THBS2: variants seen among roughly 807,000 people sequenced by gnomAD.
THBS2 encodes thrombospondin 2.
A neutral mutation model predicts 135.2 loss-of-function variants in THBS2; 47 were observed. That is an observed-to-expected ratio of 0.35 (90% CI 0.28 to 0.44). The LOEUF (loss-of-function observed/expected upper bound fraction) is 0.44. Ranked by LOEUF, THBS2 falls within the 20% of genes least tolerant of loss-of-function variation. The pLI, the probability that THBS2 is intolerant of heterozygous loss-of-function variation, is 1.00. For synonymous variants in THBS2, 639 were observed against 633.8 expected, an observed-to-expected ratio of 1.01 and a Z score of -0.12; for missense variants, 1,288 against 1,603.1, an observed-to-expected ratio of 0.80 and a Z score of 3.36.
At position 169,228,493 on chromosome 6, in the gene THBS2, C is replaced by T. The variant is rs1032783483; in HGVS notation, c.2260-212G>A. 7.2e-5 allele frequency among the ~76,000 whole-genome samples: 11 copies of T among 152,066 alleles called. No individual in the cohort carries two copies. The East Asian group carries it at 1.2e-3, about 16-fold the overall frequency. Reference sequence around the variant, plus strand: ...CTGTAATCCCAGCACTTCAAAAAGCCAGTCAGGGCAGGGCACGGAGGCTCA... The same window carrying T: ...CTGTAATCCCAGCACTTCAAAAAGCTAGTCAGGGCAGGGCACGGAGGCTCA... On this transcript the variant is annotated intron_variant, in intron 14 of 21. Coordinates refer to ENST00000617924, the MANE Select transcript of THBS2 (RefSeq NM_003247.5).
chr6:169,244,978 G>C (rs1457585777), intron 4 of THBS2, among the ~76,000 whole-genome samples: 1 of 152,240 alleles, frequency 6.6e-6, no homozygotes, highest in African/African-American at 2.4e-5. Context: ...ACGCACCCCG[G>C]TTCTGAAGTA....
rs1480045542 is a variant in THBS2 at position 169,251,854 on chromosome 6, C to A, written c.-22-1048G>T. ...GACCCCCCCCCCAAACCATCTGCTC[C>A]CCCCAGTGCCGCCCCAGGGGTCCTT... On this transcript the variant is annotated intron_variant, in intron 1 of 21. Transcript: ENST00000617924. The A allele has an allele frequency of 2.1e-5, 3 of 143,024 alleles. No individual in the cohort carries two copies. The East Asian group carries it at 6.8e-4, about 33-fold the overall frequency. The allele number at this position is 143,024 out of a possible 1,614,324, so 8.9% of individuals were successfully genotyped here.
intron 21 of THBS2, among the ~76,000 whole-genome samples, chr6:169,218,694 ATGGATGGATGGATGAGACAGG>A (rs1583401906): frequency 1.1e-5 from 1 of 91,896 alleles, no homozygotes; most frequent in South Asian, 4.0e-4. Flanking sequence ...GATGGATGGG[ATGGATGGATGGATGAGACAGG>A]TGGATGGATG....
chr6:169,232,704 G>A lies in THBS2; in HGVS notation c.1892C>T (p.Pro631Leu). Reference sequence around the variant, plus strand: ...GGCTGCTTCCAGGCCGACCCCGACGGGCTGGTTCCCTCTGTATCGGGGCGG... The same window carrying A: ...GGCTGCTTCCAGGCCGACCCCGACGAGCTGGTTCCCTCTGTATCGGGGCGG... ...PCPPRYRGNQ[P>L]VGVGLEAAKT... The change falls in exon 12 of 22, where the codon CCC becomes CTC. Residue 631 changes from proline to leucine, a missense_variant. Pro to Leu is a moderately conservative substitution (Grantham distance 98, BLOSUM62 -3). Transcript: ENST00000617924. 1 of 1,613,536 alleles carries A rather than the reference G, an allele frequency of 6.2e-7. No individual in the cohort carries two copies. Among genetic ancestry groups the A allele is most frequent in the South Asian group, 1.1e-5 (1 of 91,034 alleles).
rs1435102694 is a variant in THBS2, at chr6:169,221,520, G to T, written c.3281C>A (p.Thr1094Asn). The T allele has an allele frequency of 1.9e-6, 3 of 1,613,778 alleles. No individual in the cohort carries two copies. The highest frequency in any genetic ancestry group is 3.3e-5 in the Admixed American group (2 of 60,006). Reference sequence around the variant, plus strand: ...AATGTTCCTGGGGTCGTGCCATAAGGTTCGCACCTGAGAGAGAACATAGCA... The same window carrying T: ...AATGTTCCTGGGGTCGTGCCATAAGTTTCGCACCTGAGAGAGAACATAGCA... ...HTGNTPGQVR[T>N]LWHDPRNIGW... Residue 1094 changes from threonine (T) to asparagine (N), a missense_variant, in exon 20 of 22, where the codon ACC becomes AAC. Thr to Asn is a moderately conservative substitution (Grantham distance 65). This residue lies in a region of THBS2 where 874 missense variants were observed against 1,156.1 expected (regional missense o/e 0.76). Transcript: ENST00000617924.
At chr6:169,229,511 C>T in intron 14 of THBS2, 61 bp downstream of exon 14, 3 of 1,409,090 alleles carry the variant, frequency 2.1e-6, no homozygotes, top group Non-Finnish European at 2.0e-6. Flanking sequence ...ATAAAGTGGC[C>T]TCCTGTGGAC....
intron 6 of THBS2, among the ~76,000 whole-genome samples, chr6:169,239,976 G>A (rs937180599): frequency 2.0e-5 from 3 of 152,188 alleles, no homozygotes; most frequent in African/African-American, 7.2e-5. Flanking sequence ...CTGGAAGGAG[G>A]GAAGAAAAGA....
Position 169,237,353 on chromosome 6 carries a change from C to A in THBS2, c.1301-7G>T. Reference sequence around the variant, plus strand: ...CAGCCGCCGTCCTGCCGGACTAACACAAGAAGCGGAGAGAGATCAGGCTGT... The same window carrying A: ...CAGCCGCCGTCCTGCCGGACTAACAAAAGAAGCGGAGAGAGATCAGGCTGT... On this transcript the variant is annotated splice_region_variant and splice_polypyrimidine_tract_variant and intron_variant, in intron 8 of 21. Coordinates refer to ENST00000617924, the MANE Select transcript of THBS2 (RefSeq NM_003247.5). 1 of 1,613,134 alleles carries A rather than the reference C, an allele frequency of 6.2e-7. No individual in the cohort carries two copies. The highest frequency in any genetic ancestry group is 8.5e-7 in the Non-Finnish European group (1 of 1,180,012).
intron 21 of THBS2, among the ~76,000 whole-genome samples, chr6:169,218,477 G>GAGT (rs1189404287): frequency 6.6e-5 from 9 of 135,802 alleles, no homozygotes; most frequent in South Asian, 2.4e-4. Flanking sequence ...ATAGATGAGT[G>GAGT]GGGGTGGATG....
At position 169,221,472 on chromosome 6, in the gene THBS2, T is replaced by C. The variant is rs1415269019; in HGVS notation, c.3329A>G (p.Tyr1110Cys). Residue 1110 changes from tyrosine (Y) to cysteine (C), a missense_variant, in exon 20 of 22, where the codon TAT (tyrosine) becomes TGT (cysteine). By Grantham distance (194) the Tyr-to-Cys change is radical. This residue lies in a region of THBS2 where 874 missense variants were observed against 1,156.1 expected (regional missense o/e 0.76). Coordinates refer to ENST00000617924, the MANE Select transcript of THBS2 (RefSeq NM_003247.5). ...RNIGWKDYTAYRWHLTHRPKT... is the reference protein window; with the variant it reads ...RNIGWKDYTACRWHLTHRPKT... ...GGGCCTGTGAGTCAGGTGCCACCTA[T>C]AGGCCGTGTAGTCCTTCCAGCCAAT... The C allele has an allele frequency of 6.2e-7, 1 of 1,614,012 alleles. No individual in the cohort carries two copies. Among genetic ancestry groups the C allele is most frequent in the South Asian group, 1.1e-5 (1 of 91,088 alleles).
chr6:169,235,100 C>T (rs1054766461), intron 9 of THBS2, among the ~76,000 whole-genome samples, 193 bp from the exon 10 acceptor site: 1 of 152,124 alleles, frequency 6.6e-6, no homozygotes, highest in Admixed American at 6.5e-5. Context: ...TGGTGGATTC[C>T]GGGAGTGACT....
rs1415291263 is a variant in THBS2 at position 169,241,707 on chromosome 6, AG to A, written c.891+54del. On this transcript the variant is annotated intron_variant, in intron 5 of 21. Transcript: ENST00000617924. This position sits in a 1 kb window ranked among gnomAD's most constrained non-coding sequence, Gnocchi z 5.5. ...ATGTTGATACCTGCTGAGATGGGCC[AG>A]CGGCGGAGCTGCCCATGCCCTATGA... The A allele has an allele frequency of 1.6e-5, 24 of 1,523,320 alleles. No homozygotes were observed. The highest frequency in any genetic ancestry group is 2.1e-5 in the Non-Finnish European group (24 of 1,121,020). The allele number at this position is 1,523,320 out of a possible 1,614,324, so 94.4% of individuals were successfully genotyped here.
chr6:169,222,407 G>A lies in THBS2; in HGVS notation c.3063C>T (p.Asp1021=), dbSNP rs771916857. The A allele has an allele frequency of 3.7e-5, 60 of 1,613,732 alleles. No homozygotes were observed. Among genetic ancestry groups the A allele is most frequent in the East Asian group, 6.7e-5 (3 of 44,882 alleles). ...CAAAGACGAAGCCGGCATAGTCGTC[G>A]TCCCGGTCAGTGTTTACGTAGAATG... The part of the protein sequence containing the change: ...SGTFYVNTDR[D]DDYAGFVFGY... Residue 1021 remains aspartate (D), a synonymous_variant, in exon 19 of 22, where the codon GAC becomes GAT. Transcript: ENST00000617924.
rs572233047 is a variant in THBS2 at position 169,223,763 on chromosome 6, ATGC to A, written c.2774-291_2774-289del. Among the ~76,000 whole-genome samples the A allele has an allele frequency of 7.9e-4, 121 of 152,326 alleles. 1 individual carries two copies. The highest frequency in any genetic ancestry group is 2.7e-3 in the African/African-American group (114 of 41,578). On this transcript the variant is annotated intron_variant, in intron 17 of 21. Coordinates refer to ENST00000617924, the MANE Select transcript of THBS2 (RefSeq NM_003247.5). ...CATTTCTCACCGTGTTCCAAACTCA[ATGC>A]TGCAGGTATAAAACCTGAATGGCTG...
In THBS2 at chr6:169,222,430, A is replaced by T. The variant is rs1189036310; in HGVS notation, c.3040T>A (p.Phe1014Ile). The part of the protein sequence containing the change: ...EFGSVDFSGT[F>I]YVNTDRDDDY... Reference sequence around the variant, plus strand: ...TCGTCCCGGTCAGTGTTTACGTAGAATGTGCCACTGAAGTCCACAGACCCA... The same window carrying T: ...TCGTCCCGGTCAGTGTTTACGTAGATTGTGCCACTGAAGTCCACAGACCCA... Residue 1014 changes from phenylalanine (F) to isoleucine (I), a missense_variant, in exon 19 of 22, where the codon TTC becomes ATC. Physicochemically the swap from Phe to Ile is conservative, Grantham distance 21. Coordinates refer to ENST00000617924, the MANE Select transcript of THBS2 (RefSeq NM_003247.5). The T allele has an allele frequency of 6.2e-7, 1 of 1,613,686 alleles. No individual in the cohort carries two copies. The highest frequency in any genetic ancestry group is 8.5e-7 in the Non-Finnish European group (1 of 1,180,046).
chr6:169,218,096 GTGGA>G (rs1241183532), intron 21 of THBS2, among the ~76,000 whole-genome samples: 5 of 124,242 alleles, frequency 4.0e-5, no homozygotes, highest in Admixed American at 2.5e-4. Context: ...AAATGGGTGG[GTGGA>G]TGGATGGGTG....
chr6:169,248,806 T>C lies in THBS2; in HGVS notation c.220A>G (p.Ile74Val). The change falls in exon 3 of 22, where the codon ATC (isoleucine) becomes GTC (valine). Residue 74 changes from isoleucine (I) to valine (V), a missense_variant. Physicochemically the swap from Ile to Val is conservative, Grantham distance 29. Coordinates refer to ENST00000617924, the MANE Select transcript of THBS2 (RefSeq NM_003247.5). ...PPVNADDLSK[I>V]TKIMRQKEGF... ...TCCTTCTGCCGCATGATCTTGGTGA[T>C]CTTGCTGAGGTCATCTGCGTTCACC... is the stretch of plus-strand genomic sequence containing the variant. 6.2e-7 allele frequency: 1 copy of C among 1,611,170 alleles called. No individual in the cohort carries two copies. The highest frequency in any genetic ancestry group is 8.5e-7 in the Non-Finnish European group (1 of 1,180,006).
At chr6:169,236,667 C>T (rs2115007134) in intron 9 of THBS2, among the ~76,000 whole-genome samples, 1 of 146,206 alleles carries the variant, frequency 6.8e-6, no homozygotes, top group African/African-American at 2.5e-5. Flanking sequence ...CACTCCCATC[C>T]ACACTTACTC....
At chr6:169,227,186 G>A (rs56850282) in intron 15 of THBS2, among the ~76,000 whole-genome samples, 7,271 of 152,226 alleles carry the variant, frequency 0.048, 218 homozygotes, top group South Asian at 0.11. Flanking sequence ...GGTGGCTGGC[G>A]CCGGGCTGGG....
Sources: gnomAD v4.1 joint callset for allele counts (sites outside exome capture counted in the v4.1 genomes callset) on GRCh38, gnomAD v4.1.1 for gene constraint, gnomAD v4.1.1 regional missense constraint, Gnocchi (gnomAD v3.1) non-coding constraint, MANE v1.5 for transcripts, NCBI Gene and HGNC (gene_info 2026-07-23, HGNC 2026-07-21) for gene names.